Variants in CD109 observed in about 807,000 individuals in gnomAD.
The protein encoded by CD109 is CD109 antigen.
A neutral mutation model predicts 165.8 loss-of-function variants in CD109; 149 were observed. The ratio of observed to expected loss-of-function variants is 0.90; its 90% CI spans 0.79 to 1.03. The LOEUF is 1.03. CD109 is among the 50% of genes least tolerant of loss of function. CD109 has a pLI of 0.00. For missense variants in CD109, 1,712 were observed against 1,677.8 expected, an observed-to-expected ratio of 1.02 and a Z score of -0.36; for synonymous variants, 585 against 592.1, an observed-to-expected ratio of 0.99 and a Z score of 0.18.
intron 23 of CD109, among the ~76,000 whole-genome samples, chr6:73,798,240 G>A (rs956525089): frequency 1.3e-5 from 2 of 151,370 alleles, no homozygotes; most frequent in African/African-American, 4.9e-5. Context: ...TCAGCCTCCC[G>A]AGTAGCTGGG....
At chr6:73,806,294 T>G (rs1336117638) in intron 24 of CD109, among the ~76,000 whole-genome samples, 1 of 149,164 alleles carries the variant, frequency 6.7e-6, no homozygotes, top group Non-Finnish European at 1.5e-5. Context: ...TTCTCACTCA[T>G]AGGTGGAAAT....
chr6:73,812,202 C>T lies in CD109; in HGVS notation c.3703-3C>T, dbSNP rs1362615717. On this transcript the variant is annotated splice_region_variant and splice_polypyrimidine_tract_variant and intron_variant, in intron 28 of 32. Coordinates refer to ENST00000287097, the MANE Select transcript of CD109 (RefSeq NM_133493.5). ...TCATTCACTTTTTTTCACCTTGATT[C>T]AGCTTGCTGTGGTACAGCCAACGGC... 6.2e-7 allele frequency: 1 copy of T among 1,603,574 alleles called. No homozygotes were observed.
At chr6:73,694,965 T>A (rs139218375), upstream of CD109, 32 of 152,348 alleles carry the variant, frequency 2.1e-4, no homozygotes, top group African/African-American at 7.7e-4. Context: ...TGCAAGCTGT[T>A]CAGCAGGGAG....
At chr6:73,708,526 G>A (rs1176344930) in intron 2 of CD109, among the ~76,000 whole-genome samples, 2 of 152,204 alleles carry the variant, frequency 1.3e-5, no homozygotes, top group Non-Finnish European at 2.9e-5. Flanking sequence ...TAATGGGATG[G>A]CTGGGTCAAA....
At chr6:73,707,995 TATATATATATA>T (rs2150152749) in intron 2 of CD109, among the ~76,000 whole-genome samples, 1 of 115,020 alleles carries the variant, frequency 8.7e-6, no homozygotes, top group Non-Finnish European at 1.9e-5. Context: ...TATATATATA[TATATATATATA>T]TATTTATTAT....
rs9350506 is a variant in CD109 at position 73,774,687 on chromosome 6, T to C, written c.1827+3106T>C. Among the ~76,000 whole-genome samples, 171 of 152,314 alleles carry C rather than the reference T, an allele frequency of 1.1e-3. 8 individuals are homozygous for C. In the East Asian group the frequency reaches 0.031, roughly 28 times the overall value. On this transcript the variant is annotated intron_variant, in intron 15 of 32. Coordinates refer to ENST00000287097, the MANE Select transcript of CD109 (RefSeq NM_133493.5). Reference sequence around the variant, plus strand: ...GACTGTGTGTCCTGAGGCTACCCCCTGGAGGGAAATAAGAGCAAAGTTTAA... The same window carrying C: ...GACTGTGTGTCCTGAGGCTACCCCCCGGAGGGAAATAAGAGCAAAGTTTAA...
chr6:73,758,451 T>A (rs574133803), intron 6 of CD109, among the ~76,000 whole-genome samples: 4 of 152,152 alleles, frequency 2.6e-5, no homozygotes, highest in Non-Finnish European at 5.9e-5. Flanking sequence ...AGTGGCATGA[T>A]CTCGGGTCAC....
chr6:73,766,232 T>A (rs1371035327), intron 11 of CD109, 78 bp downstream of exon 11: 1 of 1,126,832 alleles, frequency 8.9e-7, no homozygotes, highest in Non-Finnish European at 1.3e-6. Context: ...ACTCAACCTG[T>A]CAGAACTGAA....
At chr6:73,817,833 G>C (rs1775990541) in intron 30 of CD109, among the ~76,000 whole-genome samples, 1 of 152,150 alleles carries the variant, frequency 6.6e-6, no homozygotes, top group Non-Finnish European at 1.5e-5. Flanking sequence ...GGTGGCCAAA[G>C]AAAACAGAAA....
In CD109 at chr6:73,824,128, C is replaced by T. The variant is rs554385362; in HGVS notation, c.*495C>T. ...CAACCCACCCCATGCCCAGTGGTCT[C>T]AGTAGATACTTCTTAACTGGAAATT... On this transcript the variant is annotated 3_prime_UTR_variant, in exon 33 of 33. Transcript: ENST00000287097. 1.5e-4 allele frequency: 20 copies of T among 136,936 alleles called. No homozygotes were observed. The highest frequency in any genetic ancestry group is 2.3e-4 in the Non-Finnish European group (15 of 63,880). 8.5% of individuals were successfully genotyped at this position (136,936 alleles called of 1,614,324 possible).
chr6:73,704,678 G>A (rs1313103775), intron 2 of CD109, among the ~76,000 whole-genome samples: 1 of 152,128 alleles, frequency 6.6e-6, no homozygotes, highest in Non-Finnish European at 1.5e-5. Flanking sequence ...TTATAATGCT[G>A]AAACTAGTTG....
Position 73,804,704 on chromosome 6 carries a change from A to T in CD109, c.2960+1403A>T, listed in dbSNP as rs1775503000. 2.0e-5 allele frequency among the ~76,000 whole-genome samples: 3 copies of T among 152,206 alleles called. No individual in the cohort carries two copies. The South Asian group carries it at 6.2e-4, about 31-fold the overall frequency. ...TCATTTTCCCCACCTGAAGTACTAC[A>T]GTTTGCTTGTGAACTATGTATGCAT... On this transcript the variant is annotated intron_variant, in intron 24 of 32. Transcript: ENST00000287097.
intron 3 of CD109, among the ~76,000 whole-genome samples, chr6:73,724,415 A>G (rs1367339612): frequency 6.6e-6 from 1 of 152,172 alleles, no homozygotes; most frequent in Non-Finnish European, 1.5e-5. Flanking sequence ...TTGGAAGTTT[A>G]TACTTTCATT....
At chr6:73,771,259 G>A (rs558958123) in intron 14 of CD109, among the ~76,000 whole-genome samples, 170 bp from the exon 15 acceptor site, 11 of 152,270 alleles carry the variant, frequency 7.2e-5, no homozygotes, top group East Asian at 3.9e-4. Context: ...CACTCTGGGC[G>A]TAGTTTTTTT....
the CD109 span, among the ~76,000 whole-genome samples, chr6:73,685,097 T>A: frequency 6.6e-6 from 1 of 151,892 alleles, no homozygotes; most frequent in African/African-American, 2.4e-5. Flanking sequence ...GGAGACGGGG[T>A]TTCACTGTGT....
rs762629289 is a variant in CD109, at chr6:73,766,936, G to T, written c.1435-12G>T. ...TTTTGATATGTACATATTAATTAAG[G>T]TTTTTTTCTAGGTGGGATCGCCTTT... On this transcript the variant is annotated splice_polypyrimidine_tract_variant and intron_variant, in intron 12 of 32. Transcript: ENST00000287097. 15 of 1,613,004 alleles carry T rather than the reference G, an allele frequency of 9.3e-6. No homozygotes were observed. The African/African-American group carries it at 1.9e-4, about 20-fold the overall frequency.
At chr6:73,697,886 A>G (rs939882578) in intron 2 of CD109, among the ~76,000 whole-genome samples, 2 of 152,146 alleles carry the variant, frequency 1.3e-5, no homozygotes, top group African/African-American at 4.8e-5. Flanking sequence ...GAAGGTTTTT[A>G]TGGGATAGGC....
intron 31 of CD109, among the ~76,000 whole-genome samples, chr6:73,819,090 T>C (rs3012562): frequency 0.59 from 89,089 of 152,140 alleles, 26,917 homozygotes; most frequent in African/African-American, 0.74. Context: ...TGGTCTTGGC[T>C]TCTCAAAGTG....
At chr6:73,732,406 A>C (rs911947125) in intron 4 of CD109, among the ~76,000 whole-genome samples, 1 of 152,248 alleles carries the variant, frequency 6.6e-6, no homozygotes. Flanking sequence ...TTGAACTAGC[A>C]TTATTTCAGA....
Sources: gnomAD v4.1 joint callset for allele counts (sites outside exome capture counted in the v4.1 genomes callset) on GRCh38, gnomAD v4.1.1 for gene constraint, MANE v1.5 for transcripts, NCBI Gene and HGNC (gene_info 2026-07-23, HGNC 2026-07-21) for gene names.